The following SNTG1 variants were observed in gnomAD, a reference collection of about 807,000 sequenced individuals.
SNTG1 encodes syntrophin gamma 1, also known as gamma-1-syntrophin.
In SNTG1, 39 loss-of-function variants were observed where a neutral mutation model predicts 74.7. The ratio of observed to expected loss-of-function variants is 0.52; its 90% confidence interval spans 0.40 to 0.68. The LOEUF (loss-of-function observed/expected upper bound fraction) is 0.68. SNTG1 is among the 30% of genes least tolerant of loss of function. The pLI is 0.00. For missense variants in SNTG1, 685 were observed against 609.5 expected (o/e 1.12, Z -1.30); for synonymous variants, 254 against 217.1 (o/e 1.17, Z -1.49).
intron 1 of SNTG1, among the ~76,000 whole-genome samples, chr8:49,949,958 C>T (rs1382431581): frequency 6.6e-6 from 1 of 152,152 alleles, no homozygotes; most frequent in Non-Finnish European, 1.5e-5. Context: ...GAAACCTCAT[C>T]TCTAATAAAG....
chr8:50,376,446 C>T (rs1200766690), intron 2 of SNTG1, among the ~76,000 whole-genome samples: 1 of 151,704 alleles, frequency 6.6e-6, no homozygotes, highest in African/African-American at 2.4e-5. Context: ...TTACATCTGC[C>T]TATTACCTCA....
At chr8:50,152,237 A>AT (rs1490892001) in intron 1 of SNTG1, among the ~76,000 whole-genome samples, 1 of 151,776 alleles carries the variant, frequency 6.6e-6, no homozygotes, top group African/African-American at 2.4e-5. Flanking sequence ...AACCCCTGCC[A>AT]TTTTTTGTTT....
chr8:50,212,281 G>GGGTC (rs1219074674), intron 2 of SNTG1, among the ~76,000 whole-genome samples: 2 of 152,070 alleles, frequency 1.3e-5, no homozygotes, highest in Non-Finnish European at 2.9e-5. Flanking sequence ...TTCCAGATAG[G>GGGTC]GGTCCATTTT....
intron 1 of SNTG1, among the ~76,000 whole-genome samples, chr8:50,156,898 C>A (rs1361030659): frequency 6.6e-6 from 1 of 152,126 alleles, no homozygotes; most frequent in East Asian, 1.9e-4. Flanking sequence ...TGTTGAGCAA[C>A]TGAACTCACA....
At chr8:50,218,190 G>A (rs1586732976) in intron 2 of SNTG1, among the ~76,000 whole-genome samples, 3 of 152,190 alleles carry the variant, frequency 2.0e-5, no homozygotes, top group Admixed American at 2.0e-4. Flanking sequence ...CCTAACACTG[G>A]CAATATACTT....
chr8:50,733,810 C>A (rs1485379136), intron 17 of SNTG1, among the ~76,000 whole-genome samples: 2 of 151,214 alleles, frequency 1.3e-5, no homozygotes, highest in East Asian at 1.9e-4. Context: ...TAGAGTTTTT[C>A]TTACATTTTA....
chr8:49,960,859 T>G (rs1317494497), intron 1 of SNTG1, among the ~76,000 whole-genome samples: 1 of 152,170 alleles, frequency 6.6e-6, no homozygotes, highest in East Asian at 1.9e-4. Context: ...AATGAGATAA[T>G]GGCCCCTCTA....
chr8:50,100,337 A>G (rs2080075965), intron 1 of SNTG1, among the ~76,000 whole-genome samples: 1 of 152,062 alleles, frequency 6.6e-6, no homozygotes, highest in Non-Finnish European at 1.5e-5. Flanking sequence ...AAATAGAAAG[A>G]ACAAGTTCTA....
intron 1 of SNTG1, among the ~76,000 whole-genome samples, chr8:50,031,823 T>A (rs1045211707): frequency 3.7e-4 from 57 of 152,136 alleles, no homozygotes; most frequent in Non-Finnish European, 7.7e-4. Context: ...AGAGTAATAC[T>A]GGCTGTATAC....
chr8:49,982,419 T>C (rs1812764569), intron 1 of SNTG1, among the ~76,000 whole-genome samples: 1 of 152,108 alleles, frequency 6.6e-6, no homozygotes, highest in Non-Finnish European at 1.5e-5. Flanking sequence ...AAAAGAATTC[T>C]GATAGCTAAT....
chr8:50,707,911 T>C (rs955060673), intron 16 of SNTG1: 1 of 393,556 alleles, frequency 2.5e-6, no homozygotes, highest in East Asian at 3.6e-5. Context: ...GTATTTACTA[T>C]GAAAAATTAG....
intron 1 of SNTG1, among the ~76,000 whole-genome samples, chr8:49,969,614 G>A (rs908875555): frequency 2.0e-5 from 3 of 151,710 alleles, no homozygotes; most frequent in Non-Finnish European, 4.4e-5. Context: ...TCAGGCTGGT[G>A]TCAACCTCCT....
chr8:50,289,217 C>G (rs1042939796), intron 2 of SNTG1, among the ~76,000 whole-genome samples: 15 of 152,148 alleles, frequency 9.9e-5, no homozygotes, highest in African/African-American at 3.4e-4. Context: ...ATAAAATTCA[C>G]TAATCTGCTA....
chr8:50,698,257 C>G (rs1016606718), intron 15 of SNTG1, among the ~76,000 whole-genome samples: 1 of 152,156 alleles, frequency 6.6e-6, no homozygotes, highest in Non-Finnish European at 1.5e-5. Context: ...GGTGTGGACT[C>G]AGTACTGCTA....
At chr8:50,609,734 C>A (rs2094837071) in intron 13 of SNTG1, among the ~76,000 whole-genome samples, 1 of 152,018 alleles carries the variant, frequency 6.6e-6, no homozygotes, top group Non-Finnish European at 1.5e-5. Flanking sequence ...ATTCATTCTG[C>A]CTTTCAGATT....
chr8:50,082,110 T>C (rs957208093), intron 1 of SNTG1, among the ~76,000 whole-genome samples: 17 of 152,344 alleles, frequency 1.1e-4, no homozygotes, highest in Admixed American at 3.9e-4. Context: ...GATTTATTTT[T>C]TCTTAATAAT....
rs978364768 is a variant in SNTG1 at position 50,104,094 on chromosome 8, G to T, written c.-102-68467G>T. On this transcript the variant is annotated intron_variant, in intron 1 of 18. Transcript: ENST00000642720. ...GCCTCATAAAATGAGTTAGGGAGGAGTCCCCCTTTTTCTATTGATTGGAAT... is the reference window on the plus strand; with the variant it reads ...GCCTCATAAAATGAGTTAGGGAGGATTCCCCCTTTTTCTATTGATTGGAAT... Among the ~76,000 whole-genome samples the T allele has an allele frequency of 9.2e-5, 14 of 152,178 alleles. 1 individual carries two copies. Among genetic ancestry groups the T allele is most frequent in the African/African-American group, 2.4e-4 (10 of 41,560 alleles).
intron 3 of SNTG1, among the ~76,000 whole-genome samples, chr8:50,396,104 A>G (rs1473260015): frequency 6.6e-6 from 1 of 152,232 alleles, no homozygotes; most frequent in Non-Finnish European, 1.5e-5. Context: ...AATTCTATTA[A>G]GATACAGAAG....
At chr8:50,347,989 AT>A (rs2091532807) in intron 2 of SNTG1, among the ~76,000 whole-genome samples, 1 of 152,128 alleles carries the variant, frequency 6.6e-6, no homozygotes, top group Non-Finnish European at 1.5e-5. Flanking sequence ...CCCAAGAAAC[AT>A]TTTTACATAC....
Sources: allele counts gnomAD v4.1 joint callset (sites outside exome capture counted in the v4.1 genomes callset), GRCh38; gene constraint gnomAD v4.1.1; transcripts MANE v1.5; gene names NCBI Gene and HGNC (gene_info 2026-07-23, HGNC 2026-07-21).